Variants in KIAA1755 observed in about 807,000 individuals in gnomAD.
The protein encoded by KIAA1755 is KIAA1755, also known as uncharacterized protein KIAA1755.
Under a neutral mutation model 91.7 loss-of-function variants are expected in KIAA1755, and 68 were observed. That is an observed-to-expected ratio of 0.74 (90% CI 0.61 to 0.91). KIAA1755 has a LOEUF of 0.91. KIAA1755 is among the 40% of genes least tolerant of loss of function. The pLI is 0.00. For synonymous variants in KIAA1755, 610 were observed against 604.6 expected (o/e 1.01, Z -0.13); for missense variants, 1,535 against 1,494.4 (o/e 1.03, Z -0.45).
chr20:38,229,214 T>C (rs865799023), intron 5 of KIAA1755, among the ~76,000 whole-genome samples: 1 of 152,344 alleles, frequency 6.6e-6, no homozygotes, highest in Non-Finnish European at 1.5e-5. Flanking sequence ...CATTAGTACC[T>C]TGTGGTCTGG....
intron 4 of KIAA1755, chr20:38,236,851 G>C (rs1480865694): frequency 6.6e-6 from 1 of 152,174 alleles, no homozygotes; most frequent in African/African-American, 2.4e-5. Flanking sequence ...GGGAACACGG[G>C]GGCCTAGAAT....
At chr20:38,246,256 C>T in intron 1 of KIAA1755, 130 bp from the exon 2 acceptor site, 1 of 718,296 alleles carries the variant, frequency 1.4e-6, no homozygotes, top group South Asian at 1.8e-5. Context: ...TACCCCACCC[C>T]CCTCACTCAT....
At chr20:38,243,248 T>C (rs949091705) in intron 2 of KIAA1755, among the ~76,000 whole-genome samples, 2 of 152,238 alleles carry the variant, frequency 1.3e-5, no homozygotes, top group Admixed American at 6.5e-5. Context: ...CCTGGAATTA[T>C]TGATTGCGGA....
intron 1 of KIAA1755, among the ~76,000 whole-genome samples, chr20:38,259,819 AC>A (rs143960011): frequency 8.1e-5 from 7 of 86,790 alleles, no homozygotes; most frequent in African/African-American, 3.9e-4. Flanking sequence ...CACCACCACC[AC>A]CACACACACA....
rs2075749539 is a variant in KIAA1755, at chr20:38,225,922, C to T, written c.2053-141G>A. ...CCAGCTTTAAAAGTTGCTTTGCCAGCAACCAATCTTCTCTGGAAACTCTGA... is the reference window on the plus strand; with the variant it reads ...CCAGCTTTAAAAGTTGCTTTGCCAGTAACCAATCTTCTCTGGAAACTCTGA... On this transcript the variant is annotated intron_variant, in intron 7 of 13. Transcript: ENST00000279024. The T allele has an allele frequency of 7.3e-6, 4 of 545,608 alleles. No individual in the cohort carries two copies. In the South Asian group the frequency reaches 1.1e-4, roughly 15 times the overall value. The allele number at this position is 545,608 out of a possible 1,614,324, so 33.8% of individuals were successfully genotyped here.
Position 38,213,088 on chromosome 20 carries a change from G to A in KIAA1755, c.3557C>T (p.Thr1186Ile). The A allele has an allele frequency of 6.3e-7, 1 of 1,582,362 alleles. No individual in the cohort carries two copies. The highest frequency in any genetic ancestry group is 2.2e-5 in the East Asian group (1 of 44,618). The change falls in exon 14 of 14, where the codon ACA (threonine) becomes ATA (isoleucine). Residue 1186 changes from threonine to isoleucine, a missense_variant. Coordinates refer to ENST00000279024, the MANE Select transcript of KIAA1755 (RefSeq NM_001029864.2). ...SFSSEGTDSQTSLEDSPQTSP... is the reference protein window; with the variant it reads ...SFSSEGTDSQISLEDSPQTSP... Reference sequence around the variant, plus strand: ...TGTCTGGGGTGAGTCCTCAAGGGATGTCTGTGAGTCTGTCCCCTCTGAGGA... The same window carrying A: ...TGTCTGGGGTGAGTCCTCAAGGGATATCTGTGAGTCTGTCCCCTCTGAGGA...
At chr20:38,218,559 G>A (rs2075595599) in intron 11 of KIAA1755, among the ~76,000 whole-genome samples, 193 bp from the exon 12 acceptor site, 1 of 152,186 alleles carries the variant, frequency 6.6e-6, no homozygotes. Context: ...GGGAGTGTGT[G>A]GTCATGTTCT....
At chr20:38,214,143 G>T (rs937079722) in intron 13 of KIAA1755, among the ~76,000 whole-genome samples, 1 of 152,024 alleles carries the variant, frequency 6.6e-6, no homozygotes, top group South Asian at 2.1e-4. Flanking sequence ...GTAGGACGGG[G>T]TTTCACCTTG....
intron 5 of KIAA1755, among the ~76,000 whole-genome samples, chr20:38,230,301 C>A (rs752257739): frequency 1.8e-3 from 280 of 152,318 alleles, no homozygotes; most frequent in Non-Finnish European, 3.0e-3. Flanking sequence ...ACTCATTCAC[C>A]CCTTTCCTTT....
At chr20:38,242,543 T>C (rs1033724045) in intron 2 of KIAA1755, among the ~76,000 whole-genome samples, 2 of 152,260 alleles carry the variant, frequency 1.3e-5, no homozygotes, top group Non-Finnish European at 2.9e-5. Context: ...CAGAACATCA[T>C]AGCTTATTTA....
At chr20:38,224,228 T>G (rs1167305488) in intron 8 of KIAA1755, among the ~76,000 whole-genome samples, 1 of 152,168 alleles carries the variant, frequency 6.6e-6, no homozygotes, top group Non-Finnish European at 1.5e-5. Flanking sequence ...CATACTGTGT[T>G]TATCATCATT....
In KIAA1755 at chr20:38,222,538, G is replaced by C. The variant is rs41310010; in HGVS notation, c.2328C>G (p.Pro776=). 0.072 allele frequency: 116,732 copies of C among 1,613,374 alleles called. 5,691 individuals are homozygous for C. Among genetic ancestry groups the C allele is most frequent in the Middle Eastern group, 0.21 (1,249 of 6,048 alleles). ...CTTCCCGCTGGAGGCCCAGTAGGCC[G>C]GGGTCCCTCAGCACAGCCTCCATCA... The part of the protein sequence containing the change: ...KELMEAVLRD[P]GLLGLQREGG... Residue 776 remains proline (P), a synonymous_variant, in exon 10 of 14, where the codon CCC becomes CCG. Coordinates refer to ENST00000279024, the MANE Select transcript of KIAA1755 (RefSeq NM_001029864.2).
chr20:38,255,002 C>A (rs143654252), intron 1 of KIAA1755, among the ~76,000 whole-genome samples: 7,777 of 152,104 alleles, frequency 0.051, 350 homozygotes, highest in African/African-American at 0.12. Flanking sequence ...CATAGTGCAA[C>A]CCTGTCTCTA....
At chr20:38,229,018 C>G (rs190181418) in intron 5 of KIAA1755, among the ~76,000 whole-genome samples, 2 of 152,190 alleles carry the variant, frequency 1.3e-5, no homozygotes, top group East Asian at 3.9e-4. Context: ...CATCCCCACC[C>G]CTCTAGCCAT....
Position 38,241,595 on chromosome 20 carries a change from G to T in KIAA1755, c.536C>A (p.Thr179Asn). Residue 179 changes from threonine to asparagine, a missense_variant, in exon 3 of 14, where the codon ACC (threonine) becomes AAC (asparagine). Transcript: ENST00000279024. ...CACAAACTCTGGGCTGGTTATCTTG[G>T]TCCAAGGCACAGGGGCAATCCCATT... is the stretch of plus-strand genomic sequence containing the variant. The part of the protein sequence containing the change: ...SENGIAPVPW[T>N]KITSPEFVDD... The T allele has an allele frequency of 1.2e-6, 2 of 1,614,202 alleles. No individual in the cohort carries two copies. Among genetic ancestry groups the T allele is most frequent in the Non-Finnish European group, 1.7e-6 (2 of 1,180,048 alleles).
At chr20:38,224,836 CT>C (rs927224791) in intron 8 of KIAA1755, among the ~76,000 whole-genome samples, 3 of 152,258 alleles carry the variant, frequency 2.0e-5, no homozygotes, top group African/African-American at 7.2e-5. Context: ...GAAATGCCCC[CT>C]CTTGGGGTTG....
intron 1 of KIAA1755, among the ~76,000 whole-genome samples, chr20:38,258,419 G>C (rs1490104244): frequency 6.6e-6 from 1 of 152,200 alleles, no homozygotes; most frequent in African/African-American, 2.4e-5. Context: ...GGAACCATGG[G>C]ACAGGATCAA....
chr20:38,217,171 C>A, intron 13 of KIAA1755, 82 bp downstream of exon 13: 1 of 1,236,918 alleles, frequency 8.1e-7, no homozygotes, highest in Admixed American at 2.0e-5. Context: ...GGCCATGGGG[C>A]TGTGTCTAGG....
At chr20:38,215,993 T>C (rs2075537455) in intron 13 of KIAA1755, among the ~76,000 whole-genome samples, 1 of 152,238 alleles carries the variant, frequency 6.6e-6, no homozygotes, top group African/African-American at 2.4e-5. Flanking sequence ...GTGAGTTATC[T>C]GACCTCTCTG....
Sources: gnomAD v4.1 joint callset for allele counts (sites outside exome capture counted in the v4.1 genomes callset) on GRCh38, gnomAD v4.1.1 for gene constraint, MANE v1.5 for transcripts, NCBI Gene and HGNC (gene_info 2026-07-23, HGNC 2026-07-21) for gene names.